Variants in MAPKAPK5 observed in about 807,000 individuals in gnomAD.
MAPKAPK5 encodes MAPK activated protein kinase 5.
In MAPKAPK5, 30 loss-of-function variants were observed where a neutral mutation model predicts 65.1. That is an observed-to-expected ratio of 0.46 (90% CI 0.34 to 0.63). The LOEUF is 0.63. Ranked by LOEUF, MAPKAPK5 falls within the 20% of genes least tolerant of loss-of-function variation. The pLI is 0.01. For synonymous variants in MAPKAPK5, 179 were observed against 204.6 expected (o/e 0.87, Z 1.07); for missense variants, 433 against 581.4 (o/e 0.74, Z 2.63).
intron 7 of MAPKAPK5, among the ~76,000 whole-genome samples, chr12:111,877,298 T>C (rs12426554): frequency 0.2 from 29,712 of 151,916 alleles, 3,104 homozygotes; most frequent in Middle Eastern, 0.27. Flanking sequence ...GGATTACAGG[T>C]GTGAGCCACC....
chr12:111,875,583 G>C (rs1269113250), intron 7 of MAPKAPK5, among the ~76,000 whole-genome samples: 1 of 151,966 alleles, frequency 6.6e-6, no homozygotes, highest in Admixed American at 6.6e-5. Flanking sequence ...AGAGGTATCT[G>C]TTTCTCTGCT....
intron 10 of MAPKAPK5, chr12:111,887,843 A>G (rs1303210156): frequency 7.2e-6 from 1 of 138,272 alleles, no homozygotes; most frequent in Non-Finnish European, 1.5e-5. Flanking sequence ...ACACACACAC[A>G]CACACACACA....
chr12:111,856,636 A>T (rs1345302787), intron 1 of MAPKAPK5, among the ~76,000 whole-genome samples: 1 of 151,908 alleles, frequency 6.6e-6, no homozygotes, highest in Non-Finnish European at 1.5e-5. Context: ...CAAACTCCTG[A>T]CCTCAGGTGA....
intron 4 of MAPKAPK5, 45 bp from the exon 5 acceptor site, chr12:111,868,708 C>CTT (rs75586211): frequency 2.8e-3 from 3,583 of 1,279,742 alleles, no homozygotes; most frequent in Middle Eastern, 5.2e-3. Context: ...GTTTCTTTTT[C>CTT]TTTTTTTTTT....
At chr12:111,887,003 C>A (rs2070428073) in intron 10 of MAPKAPK5, among the ~76,000 whole-genome samples, 1 of 152,072 alleles carries the variant, frequency 6.6e-6, no homozygotes, top group African/African-American at 2.4e-5. Flanking sequence ...ATAACATTGA[C>A]AGATTAGGAA....
Position 111,871,022 on chromosome 12 carries a change from G to A in MAPKAPK5, c.484-63G>A. 4 of 1,265,336 alleles carry A rather than the reference G, an allele frequency of 3.2e-6. No individual in the cohort carries two copies. In the South Asian group the frequency reaches 5.1e-5, roughly 16 times the overall value. The allele number at this position is 1,265,336 out of a possible 1,614,324, so 78.4% of individuals were successfully genotyped here. A position where few individuals can be genotyped will look rare whatever the true frequency, so the allele number is the denominator to read the frequency against. Reference sequence around the variant, plus strand: ...TCTCAGGGTAACATGTCTTACACCTGGATTTTCCTTTAATGTTTACTGAGC... The same window carrying A: ...TCTCAGGGTAACATGTCTTACACCTAGATTTTCCTTTAATGTTTACTGAGC... On this transcript the variant is annotated intron_variant, in intron 6 of 13. Coordinates refer to ENST00000550735, the MANE Select transcript of MAPKAPK5 (RefSeq NM_003668.4).
rs944797090 is a variant in MAPKAPK5 at position 111,895,876 on chromosome 12, C to G, written c.*2815C>G. 6.6e-6 allele frequency: 1 copy of G among 152,136 alleles called. No homozygotes were observed. The highest frequency in any genetic ancestry group is 2.4e-5 in the African/African-American group (1 of 41,416). 9.4% of individuals were successfully genotyped at this position (152,136 alleles called of 1,614,324 possible). On this transcript the variant is annotated 3_prime_UTR_variant, in exon 14 of 14. Transcript: ENST00000550735. The stretch of plus-strand genomic sequence containing the variant: ...AATCTCACCGGCAACAGAAGAAAAA[C>G]CAATGTTTTTAAATTTACTGACCAG...
chr12:111,892,660 T>C (rs1400181742), intron 13 of MAPKAPK5, among the ~76,000 whole-genome samples: 3 of 152,228 alleles, frequency 2.0e-5, no homozygotes, highest in Non-Finnish European at 4.4e-5. Flanking sequence ...TATAGATGTA[T>C]AGGAATTCTT....
chr12:111,881,364 G>A (rs568061885), intron 8 of MAPKAPK5, among the ~76,000 whole-genome samples: 29 of 145,170 alleles, frequency 2.0e-4, no homozygotes, highest in Admixed American at 7.0e-4. Context: ...GTGAGCCACC[G>A]CACCCAGCCT....
chr12:111,884,962 C>T (rs745717501), intron 9 of MAPKAPK5, among the ~76,000 whole-genome samples: 7 of 152,138 alleles, frequency 4.6e-5, no homozygotes, highest in East Asian at 1.9e-4. Context: ...TTTTTAGGAA[C>T]GTGGGTGCAA....
intron 12 of MAPKAPK5, 137 bp downstream of exon 12, chr12:111,889,137 A>C: frequency 1.0e-6 from 1 of 974,756 alleles, no homozygotes; most frequent in East Asian, 2.7e-5. Context: ...TTATAAGAAA[A>C]GTACATTATA....
chr12:111,843,348 G>A (rs551609005), intron 1 of MAPKAPK5: 177 of 398,336 alleles, frequency 4.4e-4, no homozygotes, highest in South Asian at 1.9e-3. Flanking sequence ...CAGTTCCTGT[G>A]ACTTAACTGC....
intron 1 of MAPKAPK5, among the ~76,000 whole-genome samples, chr12:111,862,809 T>C (rs1566240669): frequency 6.6e-6 from 1 of 152,210 alleles, no homozygotes; most frequent in Non-Finnish European, 1.5e-5. Context: ...AAATCTTATT[T>C]TCCATAGAGT....
intron 13 of MAPKAPK5, among the ~76,000 whole-genome samples, chr12:111,892,741 C>G (rs2070658535): frequency 6.6e-6 from 1 of 151,868 alleles, no homozygotes; most frequent in African/African-American, 2.4e-5. Context: ...TTGTGGTTTG[C>G]TTGTGTGTTG....
At chr12:111,877,105 C>T (rs1001217129) in intron 7 of MAPKAPK5, among the ~76,000 whole-genome samples, 8 of 105,088 alleles carry the variant, frequency 7.6e-5, no homozygotes, top group African/African-American at 2.9e-4. Context: ...GCAACCTCCA[C>T]CTCCCGGGTT....
chr12:111,877,075 T>C (rs2070007120), intron 7 of MAPKAPK5, among the ~76,000 whole-genome samples: 1 of 118,378 alleles, frequency 8.4e-6, no homozygotes, highest in African/African-American at 3.5e-5. Context: ...TGGAGTGCAG[T>C]AGCACGATCT....
chr12:111,850,532 A>G (rs995282218), intron 1 of MAPKAPK5, among the ~76,000 whole-genome samples: 1 of 152,218 alleles, frequency 6.6e-6, no homozygotes. Flanking sequence ...AAAAAATGTC[A>G]GGGTAACAGG....
intron 13 of MAPKAPK5, among the ~76,000 whole-genome samples, 197 bp downstream of exon 13, chr12:111,890,341 A>T (rs149964146): frequency 1.2e-3 from 185 of 152,180 alleles, no homozygotes; most frequent in Middle Eastern, 3.4e-3. Flanking sequence ...TGGCCCTTTC[A>T]CTTATTTTCC....
intron 1 of MAPKAPK5, among the ~76,000 whole-genome samples, chr12:111,862,917 C>G (rs967077274): frequency 6.6e-6 from 1 of 152,140 alleles, no homozygotes; most frequent in African/African-American, 2.4e-5. Flanking sequence ...CTCTATTCCC[C>G]TGGGTCTCGT....
Sources: allele counts gnomAD v4.1 joint callset (sites outside exome capture counted in the v4.1 genomes callset), GRCh38; gene constraint gnomAD v4.1.1; transcripts MANE v1.5; gene names NCBI Gene and HGNC (gene_info 2026-07-23, HGNC 2026-07-21).